The following CDA variants were observed in gnomAD, a reference collection of about 807,000 sequenced individuals.
CDA encodes the protein cytidine aminohydrolase.
CDA carries 7 observed loss-of-function variants against 15.0 expected under a neutral mutation model. The observed-to-expected ratio is 0.47, with a 90% CI of 0.26 to 0.87. The LOEUF is 0.87. CDA is among the 40% of genes least tolerant of loss of function. The probability of loss-of-function intolerance (pLI) is 0.15; values close to 1 mark genes in which losing one functional copy is unlikely to be tolerated. For synonymous variants in CDA, 58 were observed against 73.0 expected (o/e 0.79, Z 1.05); for missense variants, 159 against 182.7 (o/e 0.87, Z 0.75).
intron 3 of CDA, among the ~76,000 whole-genome samples, chr1:20,615,680 C>G (rs1343598665): frequency 6.6e-6 from 1 of 151,832 alleles, no homozygotes; most frequent in Admixed American, 6.6e-5. Context: ...AGGCCCTGAG[C>G]TCCAGCATAA....
rs1461271003 is a variant in CDA, at chr1:20,604,949, G to A, written c.176G>A (p.Cys59Tyr). The change falls in exon 2 of 4, where the codon TGC becomes TAC. Residue 59 changes from cysteine to tyrosine, a missense_variant. Coordinates refer to ENST00000375071, the MANE Select transcript of CDA (RefSeq NM_001785.3). ...TCAGGGTGCAACATAGAAAATGCCTGCTACCCGCTGGGCATCTGTGCTGAA... is the reference window on the plus strand; with the variant it reads ...TCAGGGTGCAACATAGAAAATGCCTACTACCCGCTGGGCATCTGTGCTGAA... The part of the protein sequence containing the change: ...IFKGCNIENA[C>Y]YPLGICAERT... 1.9e-6 allele frequency: 3 copies of A among 1,613,140 alleles called. No individual in the cohort carries two copies. Among genetic ancestry groups the A allele is most frequent in the Non-Finnish European group, 2.5e-6 (3 of 1,179,452 alleles).
chr1:20,601,732 T>TA (rs1379549730), intron 1 of CDA, among the ~76,000 whole-genome samples: 2 of 151,946 alleles, frequency 1.3e-5, no homozygotes, highest in African/African-American at 2.4e-5. Flanking sequence ...GACCAGAAAA[T>TA]ATGTGAGGAA....
intron 2 of CDA, among the ~76,000 whole-genome samples, chr1:20,613,284 AC>A (rs927595696): frequency 6.6e-6 from 1 of 151,712 alleles, no homozygotes; most frequent in Admixed American, 6.6e-5. Context: ...GCTCACTGCA[AC>A]CTTTGCCTCC....
rs1185186439 is a variant in CDA at position 20,599,637 on chromosome 1, TAAAATAAAATAAAAC to T, written c.155-5276_155-5262del. On this transcript the variant is annotated intron_variant, in intron 1 of 3. Transcript: ENST00000375071. ...GTCTCCAAAATAAAATAAAATAAAA[TAAAATAAAATAAAAC>T]AAAATAAAATAAAATAAAAATAAAG... Among the ~76,000 whole-genome samples the T allele has an allele frequency of 2.7e-4, 41 of 149,286 alleles. 1 individual carries two copies. Among genetic ancestry groups the T allele is most frequent in the African/African-American group, 8.4e-4 (34 of 40,340 alleles).
At chr1:20,610,261 C>CTTTTTTTTTTTT (rs760754305) in intron 2 of CDA, among the ~76,000 whole-genome samples, 18 of 62,922 alleles carry the variant, frequency 2.9e-4, no homozygotes, top group Non-Finnish European at 5.1e-4. Flanking sequence ...CACACATTAT[C>CTTTTTTTTTTTT]TTTTTTTTTT....
At chr1:20,596,003 G>A (rs1381386597) in intron 1 of CDA, among the ~76,000 whole-genome samples, 1 of 152,050 alleles carries the variant, frequency 6.6e-6, no homozygotes, top group Admixed American at 6.6e-5. Context: ...ACAAAAATTA[G>A]CCAGGCGTGG....
At chr1:20,604,852 G>A in intron 1 of CDA, 76 bp from the exon 2 acceptor site, 1 of 990,918 alleles carries the variant, frequency 1.0e-6, no homozygotes, top group Non-Finnish European at 1.6e-6. Flanking sequence ...TTTGGAATGG[G>A]GCAAACTTCT....
chr1:20,594,213 G>A (rs922477227), intron 1 of CDA, among the ~76,000 whole-genome samples: 14 of 152,310 alleles, frequency 9.2e-5, no homozygotes, highest in Admixed American at 4.6e-4. Context: ...CCTTGCTATC[G>A]AGACTTCATA....
chr1:20,592,760 A>G (rs1165677915), intron 1 of CDA, among the ~76,000 whole-genome samples: 2 of 152,252 alleles, frequency 1.3e-5, no homozygotes, highest in African/African-American at 2.4e-5. Context: ...TCCGAGAGAT[A>G]TTGTGTGGGA....
chr1:20,612,336 G>A (rs867702966), intron 2 of CDA, among the ~76,000 whole-genome samples: 1 of 152,070 alleles, frequency 6.6e-6, no homozygotes, highest in African/African-American at 2.4e-5. Context: ...CCTGTGACCT[G>A]CACATATACA....
At chr1:20,589,612 A>G (rs1402180163) in intron 1 of CDA, among the ~76,000 whole-genome samples, 2 of 152,104 alleles carry the variant, frequency 1.3e-5, no homozygotes, top group Admixed American at 6.6e-5. Flanking sequence ...AGCCTCGGAT[A>G]TGTCTGGCAC....
rs1296692870 is a variant in CDA at position 20,605,020 on chromosome 1, A to C, written c.247A>C (p.Arg83=). The part of the protein sequence containing the change: ...KAVSEGYKDF[R]AIAIASDMQD... ...CGTCTCAGAAGGGTACAAGGATTTC[A>C]GGGCAATTGCTATCGCCAGGTGAGT... Residue 83 remains arginine (R), a synonymous_variant, in exon 2 of 4, where the codon AGG becomes CGG. Coordinates refer to ENST00000375071, the MANE Select transcript of CDA (RefSeq NM_001785.3). 3 of 1,612,172 alleles carry C rather than the reference A, an allele frequency of 1.9e-6. No individual in the cohort carries two copies. Among genetic ancestry groups the C allele is most frequent in the Non-Finnish European group, 2.5e-6 (3 of 1,178,316 alleles).
At chr1:20,599,990 C>T (rs1290882887) in intron 1 of CDA, among the ~76,000 whole-genome samples, 1 of 152,204 alleles carries the variant, frequency 6.6e-6, no homozygotes, top group Non-Finnish European at 1.5e-5. Flanking sequence ...GGCAAAGAGT[C>T]CCAGGGCAGA....
chr1:20,614,058 G>T (rs1178006848), intron 3 of CDA, among the ~76,000 whole-genome samples, 159 bp downstream of exon 3: 1 of 152,204 alleles, frequency 6.6e-6, no homozygotes, highest in African/African-American at 2.4e-5. Context: ...CCCTACGCTT[G>T]CATGAGTCAC....
chr1:20,606,002 C>G (rs1232612137), intron 2 of CDA, among the ~76,000 whole-genome samples: 1 of 126,164 alleles, frequency 7.9e-6, no homozygotes, highest in African/African-American at 2.8e-5. Context: ...GGGGACTGCA[C>G]AGAAGCAAGC....
At chr1:20,616,854 A>T (rs1387937056) in intron 3 of CDA, among the ~76,000 whole-genome samples, 2 of 152,210 alleles carry the variant, frequency 1.3e-5, no homozygotes, top group Admixed American at 1.3e-4. Context: ...TAATTCTAAA[A>T]AAGCCAGAAG....
intron 3 of CDA, among the ~76,000 whole-genome samples, chr1:20,616,116 C>A (rs547481603): frequency 2.1e-4 from 32 of 152,212 alleles, no homozygotes; most frequent in Non-Finnish European, 4.3e-4. Flanking sequence ...AGTAAAATGA[C>A]TTACTGAAGG....
intron 3 of CDA, among the ~76,000 whole-genome samples, chr1:20,614,301 A>G (rs1018503018): frequency 1.3e-5 from 2 of 152,030 alleles, no homozygotes; most frequent in African/African-American, 4.8e-5. Context: ...GAAAAAAAAA[A>G]GGAGTCCAGT....
Position 20,613,659 on chromosome 1 carries a change from G to T in CDA, c.267-183G>T, listed in dbSNP as rs979505079. Among the ~76,000 whole-genome samples the T allele has an allele frequency of 3.3e-5, 5 of 152,118 alleles. No individual in the cohort carries two copies. The East Asian group carries it at 7.7e-4, about 23-fold the overall frequency. ...GTCCTGCCCATGGCCCTGCCTTGTG[G>T]CAGTGTGGAAAGCCACCACGTGGCC... On this transcript the variant is annotated intron_variant, in intron 2 of 3. Transcript: ENST00000375071.
Sources: allele counts gnomAD v4.1 joint callset (sites outside exome capture counted in the v4.1 genomes callset), GRCh38; gene constraint gnomAD v4.1.1; transcripts MANE v1.5; gene names NCBI Gene and HGNC (gene_info 2026-07-23, HGNC 2026-07-21).